The following CCDC7 variants were observed in gnomAD, a reference collection of about 807,000 sequenced individuals.
CCDC7 encodes coiled-coil domain-containing protein 7.
A neutral mutation model predicts 196.9 loss-of-function variants in CCDC7; 183 were observed. The ratio of observed to expected loss-of-function variants is 0.93; its 90% CI spans 0.82 to 1.05. The LOEUF is 1.05. Ranked by LOEUF, CCDC7 falls within the 50% of genes least tolerant of loss-of-function variation. The pLI, the probability that CCDC7 is intolerant of heterozygous loss-of-function variation, is 0.00. For missense variants in CCDC7, 1,540 were observed against 1,482.2 expected (o/e 1.04, Z -0.64); for synonymous variants, 525 against 484.6 (o/e 1.08, Z -1.10).
chr10:32,810,856 C>G (rs931451127), intron 30 of CCDC7, among the ~76,000 whole-genome samples: 1 of 151,862 alleles, frequency 6.6e-6, no homozygotes, highest in Non-Finnish European at 1.5e-5. Flanking sequence ...AAATCAAAAA[C>G]TAGAGGAACT....
At chr10:32,837,048 G>C (rs2092659867) in intron 33 of CCDC7, among the ~76,000 whole-genome samples, 1 of 151,972 alleles carries the variant, frequency 6.6e-6, no homozygotes. Context: ...CAAAAGCAAT[G>C]GCAACAAAAG....
intron 8 of CCDC7, among the ~76,000 whole-genome samples, chr10:32,483,938 C>T (rs540129007): frequency 6.6e-4 from 101 of 152,268 alleles, no homozygotes; most frequent in African/African-American, 2.3e-3. Flanking sequence ...GTGATGCCTC[C>T]AGCTTTGTTC....
intron 3 of CCDC7, among the ~76,000 whole-genome samples, chr10:32,460,489 A>G (rs1197919659): frequency 2.0e-5 from 3 of 152,190 alleles, no homozygotes; most frequent in Non-Finnish European, 2.9e-5. Context: ...TATGGCTACA[A>G]TGAGTGGTTG....
At chr10:32,521,951 G>A (rs1564538122) in intron 11 of CCDC7, among the ~76,000 whole-genome samples, 1 of 152,144 alleles carries the variant, frequency 6.6e-6, no homozygotes, top group East Asian at 1.9e-4. Context: ...AGCGTCAATT[G>A]AAATGATCAC....
intron 20 of CCDC7, among the ~76,000 whole-genome samples, chr10:32,641,457 T>G (rs1334870384): frequency 1.3e-5 from 2 of 152,254 alleles, no homozygotes; most frequent in Non-Finnish European, 2.9e-5. Flanking sequence ...CTACTGAGGC[T>G]TGTGCATTTG....
In CCDC7 at chr10:32,683,840, A is replaced by G. The variant is rs543873742; in HGVS notation, c.2123-2130A>G. Among the ~76,000 whole-genome samples, 5 of 152,268 alleles carry G rather than the reference A, an allele frequency of 3.3e-5. No homozygotes were observed. The South Asian group carries it at 1.0e-3, about 32-fold the overall frequency. Reference sequence around the variant, plus strand: ...GGCTGCATTGAGGGCCAAGGTCGGAAGGCCCTGCTTAGTAAGGAGTAGCAA... The same window carrying G: ...GGCTGCATTGAGGGCCAAGGTCGGAGGGCCCTGCTTAGTAAGGAGTAGCAA... On this transcript the variant is annotated intron_variant, in intron 21 of 41. Coordinates refer to ENST00000639629, the Ensembl canonical transcript of CCDC7.
At chr10:32,477,240 C>T (rs187941694) in intron 8 of CCDC7, among the ~76,000 whole-genome samples, 21 of 149,940 alleles carry the variant, frequency 1.4e-4, no homozygotes, top group African/African-American at 2.7e-4. Flanking sequence ...GATGGAGTCT[C>T]GCTCTGTCGC....
intron 9 of CCDC7, among the ~76,000 whole-genome samples, chr10:32,506,189 G>T (rs60201622): frequency 6.9e-6 from 1 of 145,196 alleles, no homozygotes; most frequent in Non-Finnish European, 1.5e-5. Context: ...GGGGCAGCCA[G>T]GCAGAGGCAC....
chr10:32,797,048 A>G (rs1010461928), intron 29 of CCDC7, among the ~76,000 whole-genome samples: 9 of 152,114 alleles, frequency 5.9e-5, no homozygotes, highest in African/African-American at 1.7e-4. Flanking sequence ...AAGTCATTAT[A>G]TGAAAAGATA....
At chr10:32,610,333 T>C (rs1408228248) in intron 18 of CCDC7, among the ~76,000 whole-genome samples, 1 of 152,142 alleles carries the variant, frequency 6.6e-6, no homozygotes, top group Non-Finnish European at 1.5e-5. Flanking sequence ...CTCAATCTCC[T>C]GACCTCATGA....
intron 18 of CCDC7, among the ~76,000 whole-genome samples, chr10:32,585,888 C>T (rs368850844): frequency 3.3e-5 from 5 of 152,088 alleles, no homozygotes; most frequent in Admixed American, 2.6e-4. Context: ...GGGTATATAC[C>T]GAGTAATGGG....
At chr10:32,471,813 A>G (rs1217607564) in intron 6 of CCDC7, among the ~76,000 whole-genome samples, 1 of 152,164 alleles carries the variant, frequency 6.6e-6, no homozygotes, top group African/African-American at 2.4e-5. Flanking sequence ...ATCTCTGTCA[A>G]TAACTGAAAA....
intron 20 of CCDC7, among the ~76,000 whole-genome samples, chr10:32,655,845 C>A (rs2069723517): frequency 6.6e-6 from 1 of 152,150 alleles, no homozygotes; most frequent in African/African-American, 2.4e-5. Context: ...CGATGTCTGG[C>A]CTATATGTCT....
At chr10:32,825,760 G>C (rs1422030469) in intron 32 of CCDC7, among the ~76,000 whole-genome samples, 1 of 152,134 alleles carries the variant, frequency 6.6e-6, no homozygotes, top group Non-Finnish European at 1.5e-5. Flanking sequence ...TGAAATTGTG[G>C]AAAAACATAC....
intron 28 of CCDC7, among the ~76,000 whole-genome samples, chr10:32,747,583 A>C (rs867189314): frequency 5.9e-5 from 9 of 152,348 alleles, no homozygotes; most frequent in South Asian, 2.1e-4. Flanking sequence ...GAACACATAC[A>C]TGCGGCCAAC....
At chr10:32,828,558 GAAA>G (rs1390280433) in intron 32 of CCDC7, among the ~76,000 whole-genome samples, 30 of 136,314 alleles carry the variant, frequency 2.2e-4, no homozygotes, top group African/African-American at 7.7e-4. Context: ...AGAAGAAGAA[GAAA>G]GAAGAAGAAG....
At chr10:32,762,364 C>T (rs1328732093) in intron 28 of CCDC7, among the ~76,000 whole-genome samples, 1 of 151,706 alleles carries the variant, frequency 6.6e-6, no homozygotes, top group Non-Finnish European at 1.5e-5. Context: ...TTGGCACACT[C>T]TTCCAGAAGC....
chr10:32,535,164 T>C (rs2050275868), intron 11 of CCDC7, among the ~76,000 whole-genome samples: 1 of 151,586 alleles, frequency 6.6e-6, no homozygotes, highest in African/African-American at 2.4e-5. Context: ...GTCCCATCCT[T>C]ATATTTATGT....
chr10:32,661,599 T>G (rs10827094), intron 20 of CCDC7, among the ~76,000 whole-genome samples: 3 of 151,906 alleles, frequency 2.0e-5, no homozygotes, highest in African/African-American at 7.2e-5. Context: ...AGGTGATAGA[T>G]CTTGCCAGGA....
Sources: gnomAD v4.1 joint callset for allele counts (sites outside exome capture counted in the v4.1 genomes callset) on GRCh38, gnomAD v4.1.1 for gene constraint, MANE v1.5 for transcripts, NCBI Gene and HGNC (gene_info 2026-07-23, HGNC 2026-07-21) for gene names.